Variants in DLG2 observed in about 807,000 individuals in gnomAD.
DLG2 encodes the protein discs large MAGUK scaffold protein 2, also known as disks large homolog 2.
In DLG2, 45 loss-of-function variants were observed where a neutral mutation model predicts 132.5. The ratio of observed to expected loss-of-function variants is 0.34; its 90% confidence interval spans 0.27 to 0.44. The LOEUF is 0.44. Among genes scored for constraint, DLG2 ranks in the 20% least tolerant of loss-of-function variants. The pLI, the probability that DLG2 is intolerant of heterozygous loss-of-function variation, is 1.00. For synonymous variants in DLG2, 424 were observed against 419.6 expected (o/e 1.01, Z -0.13); for missense variants, 1,045 against 1,196.9 (o/e 0.87, Z 1.87).
At chr11:85,347,602 T>C (rs907235378) in intron 3 of DLG2, among the ~76,000 whole-genome samples, 2 of 152,078 alleles carry the variant, frequency 1.3e-5, no homozygotes, top group African/African-American at 4.8e-5. Context: ...TGTACTCTAC[T>C]GGGAGATTGA....
intron 21 of DLG2, among the ~76,000 whole-genome samples, chr11:83,530,432 T>C (rs2095710599): frequency 1.3e-5 from 2 of 151,824 alleles, no homozygotes; most frequent in African/African-American, 4.8e-5. Flanking sequence ...TTGTTTTTCA[T>C]GGTGACAGCA....
intron 5 of DLG2, among the ~76,000 whole-genome samples, chr11:85,116,087 G>A (rs76014253): frequency 5.3e-5 from 8 of 152,014 alleles, no homozygotes; most frequent in African/African-American, 9.7e-5. Flanking sequence ...AGGTCAAAAC[G>A]TGATGCCCAA....
chr11:84,751,909 T>A (rs980430103), intron 6 of DLG2, among the ~76,000 whole-genome samples: 1 of 152,212 alleles, frequency 6.6e-6, no homozygotes, highest in Non-Finnish European at 1.5e-5. Context: ...GTTACAAGCA[T>A]AGAGGATGCA....
At chr11:84,499,977 T>C (rs1354072407) in intron 7 of DLG2, among the ~76,000 whole-genome samples, 3 of 152,098 alleles carry the variant, frequency 2.0e-5, no homozygotes, top group South Asian at 4.1e-4. Context: ...TTTAAAATAA[T>C]TACTGATGAT....
intron 4 of DLG2, among the ~76,000 whole-genome samples, chr11:85,223,699 C>T (rs1484733692): frequency 6.6e-6 from 1 of 152,022 alleles, no homozygotes; most frequent in Admixed American, 6.6e-5. Flanking sequence ...AAATGCACTA[C>T]AAGCCTTACT....
intron 4 of DLG2, among the ~76,000 whole-genome samples, chr11:85,263,181 G>A (rs1475782895): frequency 6.6e-6 from 1 of 152,216 alleles, no homozygotes; most frequent in Non-Finnish European, 1.5e-5. Context: ...AATACTGCAT[G>A]AGCAACCCCA....
chr11:83,580,895 C>T (rs71468350), intron 19 of DLG2, among the ~76,000 whole-genome samples: 37,911 of 111,866 alleles, frequency 0.34, 6,984 homozygotes, highest in Admixed American at 0.49. Context: ...TCTCCCCTCC[C>T]TTCCCCTCCC....
chr11:84,036,126 T>A (rs887953785), intron 11 of DLG2, among the ~76,000 whole-genome samples: 1 of 152,066 alleles, frequency 6.6e-6, no homozygotes, highest in African/African-American at 2.4e-5. Context: ...TAGGTCCTGA[T>A]GAGACTACCT....
In DLG2 at chr11:84,377,118, A is replaced by G. The variant is rs141147053; in HGVS notation, c.520-125827T>C. 4.3e-3 allele frequency among the ~76,000 whole-genome samples: 656 copies of G among 152,252 alleles called. 9 individuals carry two copies. The highest frequency in any genetic ancestry group is 0.015 in the African/African-American group (605 of 41,582). ...TCTGATTTAATGTAATACAAATTAC[A>G]TGCACCATCTGTGAAGTATCCATGC... On this transcript the variant is annotated intron_variant, in intron 7 of 27. Transcript: ENST00000376104.
intron 6 of DLG2, among the ~76,000 whole-genome samples, chr11:85,099,487 C>A (rs1005478288): frequency 6.6e-6 from 1 of 152,122 alleles, no homozygotes; most frequent in African/African-American, 2.4e-5. Context: ...GTACAAAAAA[C>A]ATAAAGAATA....
At chr11:83,981,689 G>A (rs2374466) in intron 11 of DLG2, among the ~76,000 whole-genome samples, 1 of 151,860 alleles carries the variant, frequency 6.6e-6, no homozygotes, top group African/African-American at 2.4e-5. Flanking sequence ...CACCTAACTT[G>A]GCCTCCCAAA....
At chr11:83,772,037 T>C (rs1032248745) in intron 18 of DLG2, among the ~76,000 whole-genome samples, 1 of 152,122 alleles carries the variant, frequency 6.6e-6, no homozygotes, top group Non-Finnish European at 1.5e-5. Flanking sequence ...TGAAGTACAA[T>C]TGCATGGAGA....
At chr11:84,784,497 C>T (rs2072511646) in intron 6 of DLG2, among the ~76,000 whole-genome samples, 1 of 151,780 alleles carries the variant, frequency 6.6e-6, no homozygotes, top group Admixed American at 6.6e-5. Context: ...CCTCCTCATT[C>T]ATCTTCAATA....
At chr11:85,088,560 A>T (rs2068293121) in intron 6 of DLG2, among the ~76,000 whole-genome samples, 1 of 152,210 alleles carries the variant, frequency 6.6e-6, no homozygotes, top group Non-Finnish European at 1.5e-5. Flanking sequence ...GAGAGACTTC[A>T]AAGAGATGAC....
chr11:84,502,259 CTTCCTTCCTTCCTTCCTTCCTTCTTTCT>C (rs2099214731), intron 7 of DLG2, among the ~76,000 whole-genome samples: 1 of 33,590 alleles, frequency 3.0e-5, no homozygotes, highest in Non-Finnish European at 5.0e-5. Context: ...TCCTTCCTTC[CTTCCTTCCTTCCTTCCTTCCTTCTTTCT>C]TTCTTTCTTT....
intron 6 of DLG2, among the ~76,000 whole-genome samples, chr11:84,829,776 T>A (rs1943689): frequency 0.79 from 120,142 of 151,588 alleles, 48,521 homozygotes; most frequent in Middle Eastern, 0.87. Context: ...CAAAAGATAC[T>A]TGAGACATTT....
intron 7 of DLG2, among the ~76,000 whole-genome samples, chr11:84,311,590 G>A (rs2154388737): frequency 6.6e-6 from 1 of 152,252 alleles, no homozygotes; most frequent in South Asian, 2.1e-4. Flanking sequence ...TATTAGTACT[G>A]GATGAGATTT....
rs147281452 is a variant in DLG2, at chr11:83,711,225, A to T, written c.1825+75465T>A. 5.4e-3 allele frequency among the ~76,000 whole-genome samples: 818 copies of T among 152,364 alleles called. 6 individuals are homozygous for T. The highest frequency in any genetic ancestry group is 0.011 in the Admixed American group (170 of 15,306). On this transcript the variant is annotated intron_variant, in intron 18 of 27. Coordinates refer to ENST00000376104, the MANE Select transcript of DLG2 (RefSeq NM_001142699.3). Reference sequence around the variant, plus strand: ...ACAACTCAGCAAAGGCCAAAATGTCACTGATAAGCTGTGTAAAGGGACAAT... The same window carrying T: ...ACAACTCAGCAAAGGCCAAAATGTCTCTGATAAGCTGTGTAAAGGGACAAT...
chr11:83,728,952 CT>C (rs2090508359), intron 18 of DLG2, among the ~76,000 whole-genome samples: 1 of 152,126 alleles, frequency 6.6e-6, no homozygotes, highest in Admixed American at 6.5e-5. Context: ...ATTTTTCTTT[CT>C]TTTTTCTTTT....
Sources: gnomAD v4.1 joint callset for allele counts (sites outside exome capture counted in the v4.1 genomes callset) on GRCh38, gnomAD v4.1.1 for gene constraint, MANE v1.5 for transcripts, NCBI Gene and HGNC (gene_info 2026-07-23, HGNC 2026-07-21) for gene names.